Variants in CASZ1 observed in about 807,000 individuals in gnomAD.
The protein encoded by CASZ1 is zinc finger protein castor homolog 1.
A neutral mutation model predicts 135.2 loss-of-function variants in CASZ1; 28 were observed. The ratio of observed to expected loss-of-function variants is 0.21; its 90% CI spans 0.15 to 0.28. CASZ1 has a LOEUF of 0.28. Ranked by LOEUF, CASZ1 falls within the 10% of genes least tolerant of loss-of-function variation. The pLI, the probability that CASZ1 is intolerant of heterozygous loss-of-function variation, is 1.00. For missense variants in CASZ1, 2,161 were observed against 2,453.3 expected (o/e 0.88, Z 2.52); for synonymous variants, 1,068 against 1,073.4 (o/e 0.99, Z 0.10).
At chr1:10,668,145 C>T (rs1254171515) in intron 4 of CASZ1, among the ~76,000 whole-genome samples, 5 of 152,092 alleles carry the variant, frequency 3.3e-5, no homozygotes, top group African/African-American at 9.7e-5. Context: ...TAAGTGCGAG[C>T]GCGTGTGAGG....
chr1:10,661,409 ACACAAACC>A (rs1446285988), intron 5 of CASZ1: 9 of 147,352 alleles, frequency 6.1e-5, no homozygotes, highest in Non-Finnish European at 1.2e-4. Context: ...ACACTCACAC[ACACAAACC>A]CACACACAGT....
In CASZ1 at chr1:10,767,573, G is replaced by A. The variant is rs1013001038; in HGVS notation, c.-233-6716C>T. Among the ~76,000 whole-genome samples the A allele has an allele frequency of 3.9e-5, 6 of 152,190 alleles. No individual in the cohort carries two copies. Among genetic ancestry groups the A allele is most frequent in the South Asian group, 4.1e-4 (2 of 4,834 alleles). On this transcript the variant is annotated intron_variant, in intron 1 of 20. Transcript: ENST00000377022. The surrounding 1 kb of genome is among the most constrained non-coding windows in gnomAD (Gnocchi z 4.2). ...CGAGAGGTTTGGTCCACACCTGCTCGGAGACCAGGCTTGGTGGCTCAGCCC... is the reference window on the plus strand; with the variant it reads ...CGAGAGGTTTGGTCCACACCTGCTCAGAGACCAGGCTTGGTGGCTCAGCCC...
intron 4 of CASZ1, among the ~76,000 whole-genome samples, chr1:10,667,018 G>A (rs1430960822): frequency 1.3e-5 from 2 of 152,198 alleles, no homozygotes; most frequent in Non-Finnish European, 2.9e-5. Flanking sequence ...CCACATAGGC[G>A]GGAAGGCTGA....
At position 10,639,418 on chromosome 1, in the gene CASZ1, C is replaced by G; in HGVS notation, c.4804G>C (p.Glu1602Gln). 6.4e-7 allele frequency: 1 copy of G among 1,556,222 alleles called. No homozygotes were observed. The change falls in exon 21 of 21, where the codon GAG (glutamate) becomes CAG (glutamine). Residue 1602 changes from glutamate to glutamine, a missense_variant. This residue lies in a region of CASZ1 where 240 missense variants were observed against 321.4 expected (regional missense o/e 0.75). Transcript: ENST00000377022. The surrounding 1 kb of genome is among the most constrained non-coding windows in gnomAD (Gnocchi z 4.0). ...GGCGCGGGGCCCTCTGCCGCGGGCT[C>G]GCCGCGCTCCTGCTTCTCGTGCTTG... is the stretch of plus-strand genomic sequence containing the variant. ...KRKHEKQERG[E>Q]PAAEGPAPGP... is the part of the protein sequence containing the mutation.
chr1:10,703,187 G>A (rs1018829639), intron 3 of CASZ1, among the ~76,000 whole-genome samples: 1 of 152,166 alleles, frequency 6.6e-6, no homozygotes, highest in African/African-American at 2.4e-5. Flanking sequence ...CTCTGGCCGC[G>A]GCCGCAGCTC....
At chr1:10,768,416 C>T (rs1044234545) in intron 1 of CASZ1, among the ~76,000 whole-genome samples, 10 of 152,150 alleles carry the variant, frequency 6.6e-5, no homozygotes, top group African/African-American at 2.4e-4. Context: ...TGGGGTTTCA[C>T]CATGTTGGCC....
At chr1:10,644,620 A>C (rs577478930) in intron 18 of CASZ1, among the ~76,000 whole-genome samples, 1 of 152,348 alleles carries the variant, frequency 6.6e-6, no homozygotes, top group East Asian at 1.9e-4. Flanking sequence ...AAGAAAAGGA[A>C]AACAGAACCA....
Position 10,759,478 on chromosome 1 carries a change from G to C in CASZ1, c.-77+1223C>G, listed in dbSNP as rs929757309. Among the ~76,000 whole-genome samples, 2 of 152,174 alleles carry C rather than the reference G, an allele frequency of 1.3e-5. No homozygotes were observed. The highest frequency in any genetic ancestry group is 2.9e-5 in the Non-Finnish European group (2 of 68,028). On this transcript the variant is annotated intron_variant, in intron 2 of 20. Coordinates refer to ENST00000377022, the MANE Select transcript of CASZ1 (RefSeq NM_001079843.3). The surrounding 1 kb of genome is among the most constrained non-coding windows in gnomAD (Gnocchi z 4.2). ...CACCTTCTGCACACCAGGAAGAAGAGTCGCAGCCACACAGTTGCCCCACCA... is the reference window on the plus strand; with the variant it reads ...CACCTTCTGCACACCAGGAAGAAGACTCGCAGCCACACAGTTGCCCCACCA...
In CASZ1 at chr1:10,789,353, C is replaced by T. The variant is rs960851400; in HGVS notation, c.-234+7211G>A. Among the ~76,000 whole-genome samples the T allele has an allele frequency of 1.7e-4, 25 of 151,312 alleles. 1 individual carries two copies. The highest frequency in any genetic ancestry group is 5.9e-5 in the Non-Finnish European group (4 of 67,776). On this transcript the variant is annotated intron_variant, in intron 1 of 20. Transcript: ENST00000377022. ...CCTGGGCCTGCCACTTCCCCAGGGC[C>T]TCTGCCTGCCCCCCGCACCCCCTCC...
chr1:10,702,962 C>CAGAGAG (rs142859359), intron 3 of CASZ1, among the ~76,000 whole-genome samples: 24,790 of 142,644 alleles, frequency 0.17, 3,493 homozygotes, highest in African/African-American at 0.4. Flanking sequence ...GAGGGAGAGG[C>CAGAGAG]AGAGAGAGAG....
intron 2 of CASZ1, among the ~76,000 whole-genome samples, chr1:10,743,852 GGGA>G (rs1460882364): frequency 6.7e-6 from 1 of 149,246 alleles, no homozygotes; most frequent in East Asian, 2.0e-4. Context: ...GTTGAGGAAA[GGGA>G]GGGAGGGAGG....
At chr1:10,734,929 AG>A in intron 2 of CASZ1, among the ~76,000 whole-genome samples, 1 of 152,190 alleles carries the variant, frequency 6.6e-6, no homozygotes, top group East Asian at 1.9e-4. Context: ...GGTGGGAGAG[AG>A]AGAAGTGGGG....
chr1:10,660,433 C>T lies in CASZ1; in HGVS notation c.609G>A (p.Lys203=), dbSNP rs534990285. The T allele has an allele frequency of 2.5e-6, 4 of 1,614,194 alleles. No homozygotes were observed. The highest frequency in any genetic ancestry group is 4.5e-5 in the East Asian group (2 of 44,886). Residue 203 remains lysine, a synonymous_variant, in exon 6 of 21, where the codon AAG becomes AAA. Coordinates refer to ENST00000377022, the MANE Select transcript of CASZ1 (RefSeq NM_001079843.3). ...DQNTRDELAR[K]ISFEKLHAGS... ...CCGCGTGCAGCTTCTCAAAGCTGATCTTCCTGGCCAGCTCGTCCCGCGTGT... is the reference window on the plus strand; with the variant it reads ...CCGCGTGCAGCTTCTCAAAGCTGATTTTCCTGGCCAGCTCGTCCCGCGTGT...
In CASZ1 at chr1:10,711,715, G is replaced by A. The variant is rs1036753995; in HGVS notation, c.-76-6171C>T. 2.0e-5 allele frequency among the ~76,000 whole-genome samples: 3 copies of A among 152,136 alleles called. No homozygotes were observed. The highest frequency in any genetic ancestry group is 4.4e-5 in the Non-Finnish European group (3 of 68,040). On this transcript the variant is annotated intron_variant, in intron 2 of 20. Coordinates refer to ENST00000377022, the MANE Select transcript of CASZ1 (RefSeq NM_001079843.3). This position sits in a 1 kb window ranked among gnomAD's most constrained non-coding sequence, Gnocchi z 4.4. ...CTGAGAAATGGACATACAACATGGA[G>A]TCTGTCCATACTATTGAATATTATT...
intron 4 of CASZ1, among the ~76,000 whole-genome samples, chr1:10,673,572 C>T (rs577184289): frequency 1.3e-4 from 20 of 152,246 alleles, no homozygotes; most frequent in Non-Finnish European, 2.4e-4. Context: ...TGGAACTGGC[C>T]GCCTGTCCTT....
At chr1:10,683,571 A>G (rs746766464) in intron 4 of CASZ1, among the ~76,000 whole-genome samples, 1 of 152,168 alleles carries the variant, frequency 6.6e-6, no homozygotes, top group Non-Finnish European at 1.5e-5. Context: ...AAACATATCC[A>G]GCAAACATGC....
chr1:10,673,458 C>T (rs71645004), intron 4 of CASZ1, among the ~76,000 whole-genome samples: 5 of 152,080 alleles, frequency 3.3e-5, no homozygotes, highest in African/African-American at 1.2e-4. Context: ...CACACACGCG[C>T]GTGCACGCAC....
rs138606539 is a variant in CASZ1, at chr1:10,700,625, A to C, written c.-24+4867T>G. Among the ~76,000 whole-genome samples, 223 of 152,286 alleles carry C rather than the reference A, an allele frequency of 1.5e-3. No individual in the cohort carries two copies. Among genetic ancestry groups the C allele is most frequent in the African/African-American group, 4.8e-3 (198 of 41,558 alleles). On this transcript the variant is annotated intron_variant, in intron 3 of 20. Coordinates refer to ENST00000377022, the MANE Select transcript of CASZ1 (RefSeq NM_001079843.3). This position sits in a 1 kb window ranked among gnomAD's most constrained non-coding sequence, Gnocchi z 4.2. ...CATGGAGCACCAGCTCTGGAGTCTC[A>C]GTACCTGGGTTCACACCGCAGCTCC...
chr1:10,744,249 A>G (rs112530295), intron 2 of CASZ1, among the ~76,000 whole-genome samples: 1 of 142,066 alleles, frequency 7.0e-6, no homozygotes. Context: ...AGCAGGTGGC[A>G]TGGTAAAGAG....
Sources: gnomAD v4.1 joint callset for allele counts (sites outside exome capture counted in the v4.1 genomes callset) on GRCh38, gnomAD v4.1.1 for gene constraint, gnomAD v4.1.1 regional missense constraint, Gnocchi (gnomAD v3.1) non-coding constraint, MANE v1.5 for transcripts, NCBI Gene and HGNC (gene_info 2026-07-23, HGNC 2026-07-21) for gene names.